PTH2R: variants seen among roughly 807,000 people sequenced by gnomAD.
PTH2R encodes the protein PTH2 receptor.
A neutral mutation model predicts 60.3 loss-of-function variants in PTH2R; 59 were observed. That is an observed-to-expected ratio of 0.98 (90% CI 0.79 to 1.22). The LOEUF is 1.22. Ranked by LOEUF, PTH2R falls within the 50% of genes most tolerant of loss-of-function variation. The pLI is 0.00. For synonymous variants in PTH2R, 256 were observed against 243.8 expected, an observed-to-expected ratio of 1.05 and a Z score of -0.47; for missense variants, 749 against 682.6, an observed-to-expected ratio of 1.10 and a Z score of -1.08.
chr2:208,448,244 A>G (rs1702329935), intron 7 of PTH2R, among the ~76,000 whole-genome samples: 1 of 152,192 alleles, frequency 6.6e-6, no homozygotes, highest in South Asian at 2.1e-4. Flanking sequence ...CACAAGATGC[A>G]TGCACTCTGA....
chr2:208,379,089 A>C (rs188117466), intron 1 of PTH2R, among the ~76,000 whole-genome samples: 1 of 152,296 alleles, frequency 6.6e-6, no homozygotes, highest in East Asian at 1.9e-4. Flanking sequence ...TTTCTTGGGC[A>C]GTTTTCAAAG....
At chr2:208,396,643 AAGTC>A (rs1346681076) in intron 1 of PTH2R, among the ~76,000 whole-genome samples, 1 of 152,242 alleles carries the variant, frequency 6.6e-6, no homozygotes, top group Non-Finnish European at 1.5e-5. Flanking sequence ...GATCATTAAA[AAGTC>A]AGGAAACAAC....
At chr2:208,400,328 C>A (rs998467664) in intron 1 of PTH2R, among the ~76,000 whole-genome samples, 1 of 152,126 alleles carries the variant, frequency 6.6e-6, no homozygotes, top group Non-Finnish European at 1.5e-5. Flanking sequence ...GTTATAATAT[C>A]CTGAGACATA....
At chr2:208,416,418 T>G (rs1701642137) in intron 1 of PTH2R, among the ~76,000 whole-genome samples, 1 of 152,262 alleles carries the variant, frequency 6.6e-6, no homozygotes, top group Admixed American at 6.5e-5. Context: ...CTTACGAACT[T>G]AATTATCATC....
rs1700995994 is a variant in PTH2R at position 208,386,064 on chromosome 2, G to A, written c.-259+25827G>A. On this transcript the variant is annotated intron_variant, in intron 1 of 12. Coordinates refer to the PTH2R transcript ENST00000617735. ...TCCTCCATCTCTTCAGATACAGAAA[G>A]TTCTAGAATATATTCAAATAATCAA... Among the ~76,000 whole-genome samples, 5 of 152,282 alleles carry A rather than the reference G, an allele frequency of 3.3e-5. No individual in the cohort carries two copies. The South Asian group carries it at 8.3e-4, about 25-fold the overall frequency.
In PTH2R at chr2:208,428,224, T is replaced by C. The variant is rs752883890; in HGVS notation, c.99T>C (p.Thr33=). ...RAQLDSDGTI[T]IEEQIVLVLK... ...AGCTGGATTCTGATGGCACCATTAC[T>C]ATAGAGGAGCAGATTGTCCTTGTGC... The change falls in exon 2 of 13, where the codon ACT becomes ACC. Residue 33 remains threonine (T), a synonymous_variant. Transcript: ENST00000272847. 30 of 1,612,976 alleles carry C rather than the reference T, an allele frequency of 1.9e-5. No homozygotes were observed. In the South Asian group the frequency reaches 3.3e-4, roughly 18 times the overall value.
chr2:208,381,460 G>A (rs1275165358), intron 1 of PTH2R, among the ~76,000 whole-genome samples: 2 of 151,746 alleles, frequency 1.3e-5, no homozygotes, highest in African/African-American at 4.9e-5. Context: ...CTGCTCTCTC[G>A]AACCCAGGCT....
rs1453634518 is a variant in PTH2R, at chr2:208,490,632, T to C, written c.1216-7T>C. 5 of 1,609,786 alleles carry C rather than the reference T, an allele frequency of 3.1e-6. No homozygotes were observed. The highest frequency in any genetic ancestry group is 3.4e-5 in the Admixed American group (2 of 58,522). ...GGCAGTGGGCTGACTTTCTCTTTTG[T>C]CTGCAGGGTTTCTTTGTGTCTATCA... is the stretch of plus-strand genomic sequence containing the variant. On this transcript the variant is annotated splice_polypyrimidine_tract_variant and splice_region_variant and intron_variant, in intron 11 of 12. Transcript: ENST00000272847.
chr2:208,492,346 A>G (rs1417256395), intron 12 of PTH2R, among the ~76,000 whole-genome samples: 1 of 152,198 alleles, frequency 6.6e-6, no homozygotes, highest in Non-Finnish European at 1.5e-5. Context: ...AACAGATTTT[A>G]TTCAGTAACT....
Position 208,493,749 on chromosome 2 carries a change from G to T in PTH2R, c.*90G>T. 2.2e-6 allele frequency: 3 copies of T among 1,390,456 alleles called. No homozygotes were observed. The highest frequency in any genetic ancestry group is 1.7e-5 in the South Asian group (1 of 58,116). 86.1% of individuals were successfully genotyped at this position (1,390,456 alleles called of 1,614,324 possible). A position where few individuals can be genotyped will look rare whatever the true frequency, so the allele number is the denominator to read the frequency against. On this transcript the variant is annotated 3_prime_UTR_variant, in exon 13 of 13. Coordinates refer to ENST00000272847, the MANE Select transcript of PTH2R (RefSeq NM_005048.4). ...GATACTCCTATGCTTGAGTTCAAAG[G>T]CTGAAAATTCAGTTAAGGTGTTACT...
chr2:208,382,966 G>C (rs1397815799), intron 1 of PTH2R, among the ~76,000 whole-genome samples: 4 of 152,234 alleles, frequency 2.6e-5, no homozygotes. Context: ...TGGGGGATGT[G>C]GGGGGTCTGA....
At chr2:208,370,613 GTTC>G (rs1168724728) in intron 1 of PTH2R, among the ~76,000 whole-genome samples, 4 of 152,020 alleles carry the variant, frequency 2.6e-5, no homozygotes, top group South Asian at 4.2e-4. Context: ...TGTAATCTAT[GTTC>G]TTCTTTCATT....
Position 208,489,067 on chromosome 2 carries a change from G to A in PTH2R, c.1132G>A (p.Val378Met), listed in dbSNP as rs957532494. The A allele has an allele frequency of 2.5e-6, 4 of 1,613,980 alleles. No homozygotes were observed. Among genetic ancestry groups the A allele is most frequent in the African/African-American group, 2.7e-5 (2 of 74,898 alleles). Residue 378 changes from valine to methionine, a missense_variant, in exon 11 of 13, where the codon GTG (valine) becomes ATG (methionine). By Grantham distance (21) the Val-to-Met change is conservative (BLOSUM62 1). Coordinates refer to ENST00000272847, the MANE Select transcript of PTH2R (RefSeq NM_005048.4). ...LVLVFGVHYI[V>M]FVCLPHSFTG... ...CCTAGTCTTTGGAGTGCATTACATC[G>A]TGTTCGTATGCCTGCCTCACTCCTT...
At chr2:208,421,049 T>C (rs1370377) in intron 1 of PTH2R, among the ~76,000 whole-genome samples, 142,795 of 152,280 alleles carry the variant, frequency 0.94, 67,335 homozygotes, top group Non-Finnish European at 0.98. Context: ...TGGAGCTCTA[T>C]AAATATCTAT....
chr2:208,441,844 T>C (rs1487152222), intron 4 of PTH2R, among the ~76,000 whole-genome samples: 1 of 152,246 alleles, frequency 6.6e-6, no homozygotes, highest in Non-Finnish European at 1.5e-5. Flanking sequence ...TTAGTAAAAT[T>C]ACATAAGATG....
upstream of PTH2R, among the ~76,000 whole-genome samples, chr2:208,403,578 C>T (rs574440581): frequency 3.5e-4 from 53 of 152,282 alleles, no homozygotes; most frequent in East Asian, 1.7e-3. Context: ...ACTGCAAGCA[C>T]GGGAGTTCAA....
intron 1 of PTH2R, among the ~76,000 whole-genome samples, chr2:208,386,323 G>A (rs928226018): frequency 6.6e-5 from 10 of 152,166 alleles, no homozygotes; most frequent in Non-Finnish European, 8.8e-5. Context: ...GAAGCAGATA[G>A]CTATATATAT....
At chr2:208,479,450 A>C (rs1703095209) in intron 9 of PTH2R, among the ~76,000 whole-genome samples, 1 of 152,144 alleles carries the variant, frequency 6.6e-6, no homozygotes, top group African/African-American at 2.4e-5. Flanking sequence ...AGTTCCATGC[A>C]TCACTCCCCA....
upstream of PTH2R, chr2:208,406,699 G>GC (rs1037075386): frequency 5.7e-4 from 117 of 206,980 alleles, no homozygotes; most frequent in Middle Eastern, 1.7e-3. Flanking sequence ...GAGGAGGAGC[G>GC]CGAGCGCAGC....
Sources: gnomAD v4.1 joint callset for allele counts (sites outside exome capture counted in the v4.1 genomes callset) on GRCh38, gnomAD v4.1.1 for gene constraint, MANE v1.5 for transcripts, NCBI Gene and HGNC (gene_info 2026-07-23, HGNC 2026-07-21) for gene names.